Variants in SAYSD1 observed in about 807,000 individuals in gnomAD.
SAYSD1 encodes SAYSVFN motif domain containing 1.
In SAYSD1, 15 loss-of-function variants were observed where a neutral mutation model predicts 14.5. The observed-to-expected ratio is 1.03, with a 90% CI of 0.69 to 1.59. SAYSD1 has a LOEUF of 1.59. Among genes scored for constraint, SAYSD1 ranks in the 40% most tolerant of loss-of-function variants. The pLI is 0.00. For synonymous variants in SAYSD1, 105 were observed against 102.6 expected, an observed-to-expected ratio of 1.02 and a Z score of -0.14; for missense variants, 247 against 227.3, an observed-to-expected ratio of 1.09 and a Z score of -0.56.
rs1384149977 is a variant in SAYSD1, at chr6:39,105,404, G to A, written c.*28C>T. On this transcript the variant is annotated 3_prime_UTR_variant, in exon 2 of 2. Coordinates refer to ENST00000229903, the MANE Select transcript of SAYSD1 (RefSeq NM_018322.3). The stretch of plus-strand genomic sequence containing the variant: ...AATGGTGAGGAAGACCACATCAGAG[G>A]TTAGCTGCATGACAGCACAGCTGGG... The A allele has an allele frequency of 6.3e-7, 1 of 1,593,698 alleles. No homozygotes were observed. The highest frequency in any genetic ancestry group is 8.6e-7 in the Non-Finnish European group (1 of 1,163,860).
Position 39,115,138 on chromosome 6 carries a change from G to A in SAYSD1, c.-49C>T. 6.5e-7 allele frequency: 1 copy of A among 1,545,836 alleles called. No individual in the cohort carries two copies. On this transcript the variant is annotated 5_prime_UTR_variant, in exon 1 of 2. Coordinates refer to ENST00000229903, the MANE Select transcript of SAYSD1 (RefSeq NM_018322.3). Reference sequence around the variant, plus strand: ...CCGATAAGGGAGCGCGCGCCCGCAGGCCGCACAGCAGTTGCCTCCGCTCGG... The same window carrying A: ...CCGATAAGGGAGCGCGCGCCCGCAGACCGCACAGCAGTTGCCTCCGCTCGG...
intron 1 of SAYSD1, among the ~76,000 whole-genome samples, 191 bp downstream of exon 1, chr6:39,114,692 G>A (rs1340791392): frequency 6.6e-6 from 1 of 152,206 alleles, no homozygotes; most frequent in Non-Finnish European, 1.5e-5. Flanking sequence ...GTCGCGGGCT[G>A]GAAAGAAAAT....
At chr6:39,110,173 G>C (rs1182616529) in intron 1 of SAYSD1, 8 of 152,168 alleles carry the variant, frequency 5.3e-5, no homozygotes, top group Admixed American at 5.2e-4. Context: ...CATTGTGAAT[G>C]AATACTACAG....
chr6:39,108,012 G>C (rs995249655), intron 1 of SAYSD1, among the ~76,000 whole-genome samples: 1 of 152,152 alleles, frequency 6.6e-6, no homozygotes, highest in African/African-American at 2.4e-5. Flanking sequence ...TGGGGAGGAG[G>C]CCTAGCAAGA....
At chr6:39,108,481 A>C (rs2113737135) in intron 1 of SAYSD1, among the ~76,000 whole-genome samples, 1 of 149,982 alleles carries the variant, frequency 6.7e-6, no homozygotes, top group Middle Eastern at 3.4e-3. Context: ...AGATACGGAC[A>C]TTCTTCTGCC....
chr6:39,108,698 C>T lies in SAYSD1; in HGVS notation c.208-2922G>A, dbSNP rs553964032. On this transcript the variant is annotated intron_variant, in intron 1 of 1. Transcript: ENST00000229903. ...CTTCCCCTCATATCACTTGGTTGAC[C>T]CCTCCTACTACAAACGGCAAAAATG... is the stretch of plus-strand genomic sequence containing the variant. Among the ~76,000 whole-genome samples the T allele has an allele frequency of 5.2e-4, 79 of 152,124 alleles. 1 individual carries two copies. Among genetic ancestry groups the T allele is most frequent in the African/African-American group, 1.6e-3 (68 of 41,494 alleles).
chr6:39,114,864 G>A lies in SAYSD1; in HGVS notation c.207+19C>T, dbSNP rs773069093. 13 of 1,607,814 alleles carry A rather than the reference G, an allele frequency of 8.1e-6. No individual in the cohort carries two copies. The highest frequency in any genetic ancestry group is 8.5e-7 in the Non-Finnish European group (1 of 1,177,144). ...GGCTCCGAGGCCAGGTCCTAGGGCC[G>A]AAGTTTCCATCGTCTCACCTGAACT... On this transcript the variant is annotated intron_variant, in intron 1 of 1. Coordinates refer to ENST00000229903, the MANE Select transcript of SAYSD1 (RefSeq NM_018322.3).
In SAYSD1 at chr6:39,105,773, C is replaced by T; in HGVS notation, c.211G>A (p.Ala71Thr). 6.2e-7 allele frequency: 1 copy of T among 1,612,760 alleles called. No homozygotes were observed. Among genetic ancestry groups the T allele is most frequent in the Non-Finnish European group, 8.5e-7 (1 of 1,179,124 alleles). The change falls in exon 2 of 2, where the codon GCG (alanine) becomes ACG (threonine). Residue 71 changes from alanine to threonine, a missense_variant. By Grantham distance (58) the Ala-to-Thr change is moderately conservative (BLOSUM62 0). Coordinates refer to ENST00000229903, the MANE Select transcript of SAYSD1 (RefSeq NM_018322.3). ...GATGTGCTGCCCTGGGGCTGAGCCG[C>T]TTCCTAGGATACACAAACAAACAAA... ...ARAQPGLVQE[A>T]AQPQGSTSET...
rs77446848 is a variant in SAYSD1, at chr6:39,107,301, C to T, written c.208-1525G>A. On this transcript the variant is annotated intron_variant, in intron 1 of 1. Coordinates refer to ENST00000229903, the MANE Select transcript of SAYSD1 (RefSeq NM_018322.3). Reference sequence around the variant, plus strand: ...GCAAGCACCGTTCATGAACTGTCAGCCCTGACCTCCCTGGGCATCAGGGAG... The same window carrying T: ...GCAAGCACCGTTCATGAACTGTCAGTCCTGACCTCCCTGGGCATCAGGGAG... 1.1e-3 allele frequency among the ~76,000 whole-genome samples: 173 copies of T among 152,314 alleles called. 1 individual carries two copies. The highest frequency in any genetic ancestry group is 4.0e-3 in the African/African-American group (167 of 41,554).
At chr6:39,105,885 T>C (rs746723707) in intron 1 of SAYSD1, 109 bp from the exon 2 acceptor site, 46 of 911,220 alleles carry the variant, frequency 5.0e-5, no homozygotes, top group Non-Finnish European at 7.1e-5. Context: ...TGCTGGCTCA[T>C]TGATTTCTAT....
chr6:39,107,555 T>G (rs1769529396), intron 1 of SAYSD1, among the ~76,000 whole-genome samples: 1 of 152,252 alleles, frequency 6.6e-6, no homozygotes, highest in South Asian at 2.1e-4. Context: ...CCTATTCTTC[T>G]TCACGTGCAT....
At chr6:39,106,802 C>T (rs1226465753) in intron 1 of SAYSD1, among the ~76,000 whole-genome samples, 2 of 152,196 alleles carry the variant, frequency 1.3e-5, no homozygotes, top group Admixed American at 1.3e-4. Context: ...AACCCAAGAC[C>T]CTCAATTTGT....
intron 1 of SAYSD1, chr6:39,111,404 T>C (rs570929962): frequency 1.3e-5 from 2 of 151,102 alleles, no homozygotes; most frequent in Non-Finnish European, 3.0e-5. Context: ...AAAAAAAAAG[T>C]ATCAAAAAAA....
intron 1 of SAYSD1, chr6:39,109,399 A>T: frequency 6.5e-7 from 1 of 1,549,908 alleles, no homozygotes. Context: ...TGGTAGTGGG[A>T]AGGAGGATGT....
intron 1 of SAYSD1, chr6:39,112,213 T>C (rs1297341111): frequency 1.3e-5 from 2 of 152,634 alleles, no homozygotes; most frequent in East Asian, 3.8e-4. Context: ...AAGAAATGAA[T>C]GATGACCTTC....
chr6:39,106,835 G>A (rs1769514068), intron 1 of SAYSD1, among the ~76,000 whole-genome samples: 1 of 152,222 alleles, frequency 6.6e-6, no homozygotes, highest in Admixed American at 6.5e-5. Flanking sequence ...AATGCCAGTA[G>A]ACAGGCCCCT....
intron 1 of SAYSD1, among the ~76,000 whole-genome samples, chr6:39,107,732 CCT>C (rs1471305019): frequency 6.6e-6 from 1 of 152,148 alleles, no homozygotes; most frequent in African/African-American, 2.4e-5. Context: ...ATCCCTGACC[CCT>C]GATACTCATT....
chr6:39,111,281 C>T (rs998651527), intron 1 of SAYSD1: 1 of 151,868 alleles, frequency 6.6e-6, no homozygotes, highest in African/African-American at 2.4e-5. Context: ...AACGAACAAA[C>T]ATCCAAAGCA....
At chr6:39,106,320 G>A (rs529361766) in intron 1 of SAYSD1, among the ~76,000 whole-genome samples, 1 of 152,208 alleles carries the variant, frequency 6.6e-6, no homozygotes, top group South Asian at 2.1e-4. Flanking sequence ...TTGAGCTCAG[G>A]AGTTTGAGAC....
Sources: allele counts gnomAD v4.1 joint callset (sites outside exome capture counted in the v4.1 genomes callset), GRCh38; gene constraint gnomAD v4.1.1; transcripts MANE v1.5; gene names NCBI Gene and HGNC (gene_info 2026-07-23, HGNC 2026-07-21).